The following CCDC146 variants were observed in gnomAD, a reference collection of about 807,000 sequenced individuals.
CCDC146 encodes coiled-coil domain containing 146, also known as coiled-coil domain-containing protein 146.
CCDC146 carries 92 observed loss-of-function variants against 119.3 expected under a neutral mutation model. The observed-to-expected ratio is 0.77, with a 90% CI of 0.65 to 0.92. The LOEUF is 0.92. Among genes scored for constraint, CCDC146 ranks in the 40% least tolerant of loss-of-function variants. The probability of loss-of-function intolerance (pLI) is 0.00; values close to 1 mark genes in which losing one functional copy is unlikely to be tolerated. For synonymous variants in CCDC146, 372 were observed against 371.8 expected (o/e 1.00, Z -0.01); for missense variants, 1,000 against 1,103.0 (o/e 0.91, Z 1.32).
chr7:77,291,077 A>G (rs1793934382), intron 17 of CCDC146, among the ~76,000 whole-genome samples: 1 of 152,232 alleles, frequency 6.6e-6, no homozygotes, highest in African/African-American at 2.4e-5. Flanking sequence ...GACTATGATG[A>G]TGAATAAAAC....
chr7:77,158,209 A>G (rs1791205051), intron 1 of CCDC146, among the ~76,000 whole-genome samples: 1 of 152,126 alleles, frequency 6.6e-6, no homozygotes, highest in Admixed American at 6.6e-5. Flanking sequence ...CTTTCTCTTC[A>G]GATTATACAT....
chr7:77,285,899 T>C (rs1793839251), intron 15 of CCDC146, among the ~76,000 whole-genome samples: 1 of 152,224 alleles, frequency 6.6e-6, no homozygotes, highest in Non-Finnish European at 1.5e-5. Flanking sequence ...ATTCAATAAT[T>C]AAGAATGTTT....
chr7:77,134,617 C>T lies in CCDC146; in HGVS notation c.-12+11885C>T, dbSNP rs1790835951. 1.3e-5 allele frequency among the ~76,000 whole-genome samples: 2 copies of T among 150,164 alleles called. 1 individual carries two copies. The highest frequency in any genetic ancestry group is 4.2e-4 in the South Asian group (2 of 4,768). ...TGTGTGTCTATGGGGTATGCATGTT[C>T]TCCCTATGTCTGCCTGGGTTTTCTC... On this transcript the variant is annotated intron_variant, in intron 1 of 18. Transcript: ENST00000285871.
intron 1 of CCDC146, among the ~76,000 whole-genome samples, chr7:77,163,967 C>T (rs1272302166): frequency 1.3e-5 from 2 of 148,446 alleles, no homozygotes; most frequent in East Asian, 4.0e-4. Flanking sequence ...TCAAGTGATT[C>T]TCCTGCCTCA....
chr7:77,293,543 G>T (rs1793991201), intron 18 of CCDC146, among the ~76,000 whole-genome samples: 1 of 152,166 alleles, frequency 6.6e-6, no homozygotes, highest in South Asian at 2.1e-4. Flanking sequence ...TGGCACCTCT[G>T]CTCAGACCAC....
intron 17 of CCDC146, among the ~76,000 whole-genome samples, chr7:77,289,878 C>T (rs1562864106): frequency 6.6e-6 from 1 of 152,222 alleles, no homozygotes; most frequent in Non-Finnish European, 1.5e-5. Flanking sequence ...TAGTGGTTGC[C>T]ATCCCATTAC....
chr7:77,259,220 C>A (rs1177737225), intron 7 of CCDC146, 152 bp downstream of exon 7: 9 of 518,178 alleles, frequency 1.7e-5, no homozygotes, highest in Non-Finnish European at 2.7e-5. Context: ...ATATCAAGTT[C>A]TTTAAAAGAA....
chr7:77,253,458 G>A (rs994498330), intron 4 of CCDC146, among the ~76,000 whole-genome samples: 1 of 152,196 alleles, frequency 6.6e-6, no homozygotes, highest in African/African-American at 2.4e-5. Context: ...AGAATGTGGT[G>A]CAATAGGTCA....
chr7:77,284,937 C>T (rs1793822760), intron 15 of CCDC146, among the ~76,000 whole-genome samples: 1 of 151,832 alleles, frequency 6.6e-6, no homozygotes, highest in East Asian at 1.9e-4. Context: ...AGTGTCAGAT[C>T]CCGGTCATAT....
intron 4 of CCDC146, among the ~76,000 whole-genome samples, chr7:77,243,160 T>C (rs962667284): frequency 6.6e-6 from 1 of 152,192 alleles, no homozygotes; most frequent in Non-Finnish European, 1.5e-5. Flanking sequence ...CATAAGTCAG[T>C]TGATATTTAA....
Position 77,196,126 on chromosome 7 carries a change from C to T in CCDC146, c.156+28302C>T, listed in dbSNP as rs1791863971. ...GACTCCTTTAAAATGCATTGTTTTT[C>T]AGCTTTATTTCAAATGCTGTGTAGC... On this transcript the variant is annotated intron_variant, in intron 2 of 18. Coordinates refer to ENST00000285871, the MANE Select transcript of CCDC146 (RefSeq NM_020879.3). The surrounding 1 kb of genome is among the most constrained non-coding windows in gnomAD (Gnocchi z 4.2). 9.9e-6 allele frequency: 6 copies of T among 604,174 alleles called. No individual in the cohort carries two copies. The highest frequency in any genetic ancestry group is 1.7e-5 in the Non-Finnish European group (6 of 350,896). 37.4% of individuals were successfully genotyped at this position (604,174 alleles called of 1,614,324 possible).
At chr7:77,262,954 G>A (rs1793329621) in intron 9 of CCDC146, among the ~76,000 whole-genome samples, 1 of 152,186 alleles carries the variant, frequency 6.6e-6, no homozygotes, top group Admixed American at 6.5e-5. Flanking sequence ...TCCTTGAGAG[G>A]GCTTCAGCCT....
At chr7:77,292,616 C>CA (rs61250624) in intron 17 of CCDC146, among the ~76,000 whole-genome samples, 3,241 of 89,754 alleles carry the variant, frequency 0.036, 56 homozygotes, top group Middle Eastern at 0.066. Flanking sequence ...GACTCAGTCT[C>CA]AAAAAAAAAA....
intron 6 of CCDC146, among the ~76,000 whole-genome samples, chr7:77,257,022 C>T (rs1793193384): frequency 6.6e-6 from 1 of 152,090 alleles, no homozygotes; most frequent in South Asian, 2.1e-4. Context: ...AGGAGAATTG[C>T]TTGAACCCGG....
chr7:77,289,604 C>T (rs902305677), intron 17 of CCDC146, among the ~76,000 whole-genome samples: 6 of 152,132 alleles, frequency 3.9e-5, no homozygotes, highest in Non-Finnish European at 7.3e-5. Flanking sequence ...GTGTGATAGC[C>T]AAAGTTGTTG....
intron 9 of CCDC146, among the ~76,000 whole-genome samples, chr7:77,271,479 T>TA (rs1491134992): frequency 0.14 from 10,393 of 73,762 alleles, 1,122 homozygotes; most frequent in East Asian, 0.51. Context: ...CCTTTTTATT[T>TA]TATATATATA....
chr7:77,241,024 A>G (rs1490337051), intron 3 of CCDC146, among the ~76,000 whole-genome samples: 1 of 66,016 alleles, frequency 1.5e-5, no homozygotes, highest in African/African-American at 5.3e-5. Context: ...TTTTTTTGAG[A>G]TGGAGTCTCA....
rs1793591821 is a variant in CCDC146 at position 77,274,535 on chromosome 7, AAAC to A, written c.1326_1328del (p.Asn442del). On this transcript the variant is annotated inframe_deletion, in exon 11 of 19. Coordinates refer to ENST00000285871, the MANE Select transcript of CCDC146 (RefSeq NM_020879.3). The stretch of plus-strand genomic sequence containing the variant: ...TAGTAGAACAACAACTTGCAGAAGA[AAAC>A]AAGCTTTTAAAGGAGCAAGAAAACA... 12 of 1,611,170 alleles carry A rather than the reference AAAC, an allele frequency of 7.4e-6. No individual in the cohort carries two copies. The highest frequency in any genetic ancestry group is 1.0e-5 in the Non-Finnish European group (12 of 1,178,528).
chr7:77,134,430 A>C (rs951271860), intron 1 of CCDC146, among the ~76,000 whole-genome samples: 1 of 152,212 alleles, frequency 6.6e-6, no homozygotes, highest in Non-Finnish European at 1.5e-5. Flanking sequence ...AATAGTAACA[A>C]ATATGATGGA....
Sources: gnomAD v4.1 joint callset for allele counts (sites outside exome capture counted in the v4.1 genomes callset) on GRCh38, gnomAD v4.1.1 for gene constraint, Gnocchi (gnomAD v3.1) non-coding constraint, MANE v1.5 for transcripts, NCBI Gene and HGNC (gene_info 2026-07-23, HGNC 2026-07-21) for gene names.